WDFY4: variants seen among roughly 807,000 people sequenced by gnomAD.
The protein encoded by WDFY4 is WDFY family member 4, also known as WD repeat- and FYVE domain-containing protein 4.
A neutral mutation model predicts 351.9 loss-of-function variants in WDFY4; 169 were observed. The observed-to-expected ratio is 0.48, with a 90% CI of 0.42 to 0.55. The LOEUF (loss-of-function observed/expected upper bound fraction) is 0.55, where lower values mean the gene tolerates loss of function less well. WDFY4 is among the 20% of genes least tolerant of loss of function. WDFY4 has a pLI of 0.00. For missense variants in WDFY4, 3,803 were observed against 3,935.6 expected (o/e 0.97, Z 0.90); for synonymous variants, 1,622 against 1,574.6 (o/e 1.03, Z -0.71).
intron 37 of WDFY4, among the ~76,000 whole-genome samples, chr10:48,829,331 C>A (rs2068111107): frequency 6.6e-6 from 1 of 152,230 alleles, no homozygotes; most frequent in East Asian, 1.9e-4. Flanking sequence ...AGGGATTAAA[C>A]AAACCCATTA....
chr10:48,982,384 G>A (rs890428756), intron 61 of WDFY4, 125 bp from the exon 62 acceptor site: 11 of 768,236 alleles, frequency 1.4e-5, no homozygotes, highest in Non-Finnish European at 2.1e-5. Context: ...CCTCAAGGGA[G>A]ACAAGACCAG....
intron 1 of WDFY4, among the ~76,000 whole-genome samples, chr10:48,688,239 C>T (rs562130970): frequency 2.6e-4 from 40 of 152,276 alleles, no homozygotes; most frequent in African/African-American, 7.2e-4. Flanking sequence ...TAATAAATTT[C>T]GGTATCTGGA....
intron 12 of WDFY4, among the ~76,000 whole-genome samples, chr10:48,753,956 G>A (rs774028564): frequency 3.3e-5 from 5 of 152,066 alleles, no homozygotes; most frequent in Non-Finnish European, 7.4e-5. Context: ...TCTAGTTTTT[G>A]GAGTGTTTTT....
At chr10:48,864,319 G>A (rs575812521) in intron 39 of WDFY4, among the ~76,000 whole-genome samples, 5 of 152,120 alleles carry the variant, frequency 3.3e-5, no homozygotes, top group East Asian at 1.9e-4. Flanking sequence ...GTTTTCCATC[G>A]CCATTTGTTA....
At chr10:48,862,546 A>C (rs892310157) in intron 39 of WDFY4, among the ~76,000 whole-genome samples, 5 of 152,230 alleles carry the variant, frequency 3.3e-5, no homozygotes, top group African/African-American at 1.2e-4. Context: ...AGATGGGACC[A>C]TATAGTTGCA....
intron 11 of WDFY4, among the ~76,000 whole-genome samples, chr10:48,741,654 CATGCA>C (rs1466145723): frequency 6.6e-6 from 1 of 152,014 alleles, no homozygotes; most frequent in Non-Finnish European, 1.5e-5. Context: ...TTGCTTAGGC[CATGCA>C]TTTAAGTCAC....
intron 47 of WDFY4, among the ~76,000 whole-genome samples, chr10:48,916,190 C>T (rs932932511): frequency 1.3e-5 from 2 of 152,178 alleles, no homozygotes; most frequent in Non-Finnish European, 2.9e-5. Flanking sequence ...ACTCCTTTTT[C>T]TCCCCTCAAC....
chr10:48,954,855 GT>G (rs1165183888), intron 51 of WDFY4, among the ~76,000 whole-genome samples: 4 of 152,056 alleles, frequency 2.6e-5, no homozygotes, highest in African/African-American at 9.7e-5. Context: ...ACAGGCCTAA[GT>G]TTTAAAGATA....
chr10:48,811,756 C>T, intron 30 of WDFY4, 48 bp downstream of exon 30: 1 of 1,533,508 alleles, frequency 6.5e-7, no homozygotes, highest in Non-Finnish European at 8.8e-7. Context: ...TTTTCTGATT[C>T]CACATGACTA....
chr10:48,734,420 T>C (rs1251307318), intron 10 of WDFY4, among the ~76,000 whole-genome samples: 2 of 152,128 alleles, frequency 1.3e-5, no homozygotes, highest in East Asian at 3.8e-4. Context: ...ATGCAATTTG[T>C]TGTGCTCTCA....
chr10:48,848,816 A>T (rs559227219), intron 39 of WDFY4, among the ~76,000 whole-genome samples: 1 of 152,224 alleles, frequency 6.6e-6, no homozygotes, highest in Non-Finnish European at 1.5e-5. Context: ...TGTTCATGAC[A>T]ACAATTAGTT....
At chr10:48,914,871 G>A (rs181172030) in intron 47 of WDFY4, among the ~76,000 whole-genome samples, 1 of 152,304 alleles carries the variant, frequency 6.6e-6, no homozygotes, top group East Asian at 1.9e-4. Context: ...GCACACAGGG[G>A]GATGGGGGGT....
At chr10:48,696,332 G>C (rs1197163533) in intron 1 of WDFY4, among the ~76,000 whole-genome samples, 3 of 152,180 alleles carry the variant, frequency 2.0e-5, no homozygotes, top group Non-Finnish European at 4.4e-5. Context: ...CTCCTGAGTG[G>C]CCCACTCCTT....
At chr10:48,900,376 C>T in intron 46 of WDFY4, 70 bp downstream of exon 46, 1 of 1,384,388 alleles carries the variant, frequency 7.2e-7, no homozygotes, top group Admixed American at 2.2e-5. Context: ...AGAGAACACT[C>T]AGCTCTGTGC....
chr10:48,831,115 G>T (rs1757916798), intron 38 of WDFY4, among the ~76,000 whole-genome samples: 1 of 152,212 alleles, frequency 6.6e-6, no homozygotes, highest in Non-Finnish European at 1.5e-5. Flanking sequence ...CAAGCAGGAA[G>T]ATTCCAGTAA....
chr10:48,920,258 T>A (rs1308371458), intron 47 of WDFY4, among the ~76,000 whole-genome samples: 1 of 150,018 alleles, frequency 6.7e-6, no homozygotes, highest in Non-Finnish European at 1.5e-5. Context: ...ACAAAAAAGC[T>A]AGAGCGGACA....
rs191392692 is a variant in WDFY4, at chr10:48,818,256, C to G, written c.5505+847C>G. On this transcript the variant is annotated intron_variant, in intron 32 of 61. Coordinates refer to ENST00000325239, the MANE Select transcript of WDFY4 (RefSeq NM_001394531.1). ...TAAAGGAGCATATTTGAAAGGTGAG[C>G]AATGCTACATAGGGGGGTTTATAAT... Among the ~76,000 whole-genome samples the G allele has an allele frequency of 7.9e-5, 12 of 152,318 alleles. No homozygotes were observed. The East Asian group carries it at 1.5e-3, about 20-fold the overall frequency.
chr10:48,700,352 C>G (rs11101432), intron 1 of WDFY4, among the ~76,000 whole-genome samples: 6,990 of 152,320 alleles, frequency 0.046, 282 homozygotes, highest in African/African-American at 0.1. Context: ...CTCCAATGCT[C>G]TTGCCCAGTT....
intron 11 of WDFY4, chr10:48,736,371 T>G (rs138358664): frequency 1.7e-6 from 1 of 585,620 alleles, no homozygotes; most frequent in Non-Finnish European, 3.0e-6. Context: ...CATGGGGAAC[T>G]GCATAAGGCA....
Sources: allele counts gnomAD v4.1 joint callset (sites outside exome capture counted in the v4.1 genomes callset), GRCh38; gene constraint gnomAD v4.1.1; transcripts MANE v1.5; gene names NCBI Gene and HGNC (gene_info 2026-07-23, HGNC 2026-07-21).